BEND7: variants seen among roughly 807,000 people sequenced by gnomAD.
BEND7 encodes BEN domain-containing protein 7.
BEND7 carries 28 observed loss-of-function variants against 50.9 expected under a neutral mutation model. That is an observed-to-expected ratio of 0.55 (90% CI 0.41 to 0.75). BEND7 has a LOEUF of 0.75. Among genes scored for constraint, BEND7 ranks in the 30% least tolerant of loss-of-function variants. The pLI, the probability that BEND7 is intolerant of heterozygous loss-of-function variation, is 0.00. For synonymous variants in BEND7, 170 were observed against 183.9 expected, an observed-to-expected ratio of 0.92 and a Z score of 0.61; for missense variants, 477 against 491.3, an observed-to-expected ratio of 0.97 and a Z score of 0.28.
intron 1 of BEND7, among the ~76,000 whole-genome samples, chr10:13,526,879 G>C (rs557728904): frequency 4.3e-4 from 65 of 152,220 alleles, no homozygotes; most frequent in African/African-American, 1.5e-3. Context: ...AAAGAAAAAA[G>C]GAAAAAGGAA....
At chr10:13,469,261 T>C (rs767964879) in intron 6 of BEND7, among the ~76,000 whole-genome samples, 3 of 152,074 alleles carry the variant, frequency 2.0e-5, no homozygotes, top group Non-Finnish European at 4.4e-5. Flanking sequence ...AAGAGCAGGA[T>C]GCAAGAAACA....
chr10:13,525,494 CT>C (rs1384376777), intron 2 of BEND7, among the ~76,000 whole-genome samples: 2 of 152,200 alleles, frequency 1.3e-5, no homozygotes, highest in Admixed American at 6.5e-5. Flanking sequence ...GCTGTTCCCC[CT>C]GTCCCAAAAT....
chr10:13,492,919 G>A (rs751775681), intron 4 of BEND7, 43 bp from the exon 5 acceptor site: 1 of 1,572,248 alleles, frequency 6.4e-7, no homozygotes, highest in Non-Finnish European at 8.6e-7. Context: ...ACGTGTGTCT[G>A]ACTTAGGAAA....
intron 6 of BEND7, among the ~76,000 whole-genome samples, chr10:13,456,095 C>G (rs61833864): frequency 6.6e-6 from 1 of 152,092 alleles, no homozygotes; most frequent in South Asian, 2.1e-4. Context: ...AAGGTGTGAC[C>G]GGGCATGAAT....
chr10:13,447,914 C>T (rs1588627417), intron 7 of BEND7, among the ~76,000 whole-genome samples: 1 of 152,110 alleles, frequency 6.6e-6, no homozygotes, highest in Non-Finnish European at 1.5e-5. Flanking sequence ...AGGGTCATCG[C>T]GGGGATGTGT....
At chr10:13,468,394 A>AACG (rs1198477637) in intron 6 of BEND7, among the ~76,000 whole-genome samples, 2 of 152,288 alleles carry the variant, frequency 1.3e-5, no homozygotes, top group East Asian at 1.9e-4. Context: ...GTCCACAATG[A>AACG]ACGAGTGGTG....
At chr10:13,472,422 A>C (rs2074960413) in intron 6 of BEND7, among the ~76,000 whole-genome samples, 1 of 151,806 alleles carries the variant, frequency 6.6e-6, no homozygotes, top group Non-Finnish European at 1.5e-5. Context: ...CATCACTGTT[A>C]AACTCGGGGC....
chr10:13,485,944 G>A (rs1322692666), intron 5 of BEND7, among the ~76,000 whole-genome samples: 1 of 152,064 alleles, frequency 6.6e-6, no homozygotes, highest in African/African-American at 2.4e-5. Context: ...TACAGTGGTG[G>A]GATCACAGCT....
rs760139828 is a variant in BEND7 at position 13,492,890 on chromosome 10, A to G, written c.572-14T>C. On this transcript the variant is annotated splice_polypyrimidine_tract_variant and intron_variant, in intron 4 of 8. Coordinates refer to ENST00000466271, the MANE Select transcript of BEND7 (RefSeq NM_001369863.1). ...TTTGAGTTCCAACTGCGAATAATAA[A>G]CAAAAATATGGTACAGGCACGTGTG... 3.1e-5 allele frequency: 49 copies of G among 1,593,006 alleles called. 1 individual carries two copies. In the South Asian group the frequency reaches 5.3e-4, roughly 17 times the overall value.
intron 6 of BEND7, among the ~76,000 whole-genome samples, chr10:13,462,103 A>G (rs1158134168): frequency 6.6e-6 from 1 of 152,226 alleles, no homozygotes; most frequent in African/African-American, 2.4e-5. Flanking sequence ...GAAAAATTCA[A>G]TGCACCAGGA....
At chr10:13,468,927 AC>A (rs1384618941) in intron 6 of BEND7, among the ~76,000 whole-genome samples, 1 of 152,254 alleles carries the variant, frequency 6.6e-6, no homozygotes, top group Non-Finnish European at 1.5e-5. Flanking sequence ...AAGCAGGGCT[AC>A]CGCTGACTCT....
chr10:13,455,783 A>T (rs1353252048), intron 6 of BEND7, among the ~76,000 whole-genome samples: 1 of 152,130 alleles, frequency 6.6e-6, no homozygotes, highest in Non-Finnish European at 1.5e-5. Flanking sequence ...GCTGGAGCAA[A>T]CACTCCTGAG....
intron 8 of BEND7, chr10:13,442,233 A>G (rs1835442409): frequency 6.5e-6 from 1 of 153,950 alleles, no homozygotes; most frequent in African/African-American, 2.4e-5. Flanking sequence ...AGCTCTTAAC[A>G]TTCTGTGCTT....
chr10:13,463,991 C>G (rs1423142645), intron 6 of BEND7, among the ~76,000 whole-genome samples: 1 of 152,202 alleles, frequency 6.6e-6, no homozygotes, highest in African/African-American at 2.4e-5. Flanking sequence ...ACTTGAGAAC[C>G]ATCAGACTGG....
In BEND7 at chr10:13,481,137, C is replaced by G. The variant is rs1355517152; in HGVS notation, c.838-13G>C. ...GTTGTACTTCTGGCTACCAAAAGAA[C>G]ACAGATATTTCATTAAAAGCAAGAT... On this transcript the variant is annotated splice_polypyrimidine_tract_variant and intron_variant, in intron 5 of 8. Transcript: ENST00000466271. 1.9e-6 allele frequency: 3 copies of G among 1,611,528 alleles called. No homozygotes were observed. The African/African-American group carries it at 4.0e-5, about 22-fold the overall frequency.
chr10:13,443,292 T>A (rs1362646088), intron 8 of BEND7: 1 of 152,676 alleles, frequency 6.5e-6, no homozygotes, highest in African/African-American at 2.4e-5. Context: ...TTTGTGGAAA[T>A]TCAAACGGAA....
intron 2 of BEND7, among the ~76,000 whole-genome samples, chr10:13,513,572 GCTT>G (rs1334791020): frequency 6.6e-6 from 1 of 152,104 alleles, no homozygotes; most frequent in African/African-American, 2.4e-5. Flanking sequence ...ACCAAGTCCT[GCTT>G]CTTGTAACTT....
intron 8 of BEND7, chr10:13,442,487 A>G (rs1202145130): frequency 6.6e-6 from 1 of 152,254 alleles, no homozygotes; most frequent in Non-Finnish European, 1.5e-5. Flanking sequence ...ATATTTCTAT[A>G]AAACAAATAC....
At chr10:13,483,150 G>C (rs2075985498) in intron 5 of BEND7, among the ~76,000 whole-genome samples, 1 of 152,098 alleles carries the variant, frequency 6.6e-6, no homozygotes, top group African/African-American at 2.4e-5. Context: ...AAGAGAGGAA[G>C]GGGAAGGACA....
Sources: gnomAD v4.1 joint callset for allele counts (sites outside exome capture counted in the v4.1 genomes callset) on GRCh38, gnomAD v4.1.1 for gene constraint, MANE v1.5 for transcripts, NCBI Gene and HGNC (gene_info 2026-07-23, HGNC 2026-07-21) for gene names.